Variants in DECR2 observed in about 807,000 individuals in gnomAD.
DECR2 encodes peroxisomal 2,4-dienoyl-CoA reductase [(3E)-enoyl-CoA-producing].
Under a neutral mutation model 29.2 loss-of-function variants are expected in DECR2, and 34 were observed. The ratio of observed to expected loss-of-function variants is 1.16; its 90% CI spans 0.89 to 1.55. The LOEUF is 1.55. Among genes scored for constraint, DECR2 ranks in the 40% most tolerant of loss-of-function variants. DECR2 has a pLI of 0.00. For synonymous variants in DECR2, 224 were observed against 182.7 expected (o/e 1.23, Z -1.82); for missense variants, 485 against 425.3 (o/e 1.14, Z -1.23).
intron 1 of DECR2, 34 bp downstream of exon 1, chr16:402,077 G>GT: frequency 7.6e-7 from 1 of 1,317,626 alleles, no homozygotes; most frequent in Non-Finnish European, 9.7e-7. Context: ...CGCAGCCTTG[G>GT]TGCGGGGTCC....
chr16:407,406 CT>C lies in DECR2; in HGVS notation c.202-18del, dbSNP rs1567340199. On this transcript the variant is annotated intron_variant, in intron 3 of 8. Transcript: ENST00000219481. ...CCGAGGCTGCAGGGCTGCTGTCTGC[CT>C]CTTTACCTGGCTTCTAGGCCGCCAG... The C allele has an allele frequency of 6.3e-7, 1 of 1,598,690 alleles. No individual in the cohort carries two copies. The highest frequency in any genetic ancestry group is 1.7e-5 in the Admixed American group (1 of 58,632).
At chr16:405,143 C>A in intron 2 of DECR2, 119 bp downstream of exon 2, 1 of 1,246,318 alleles carries the variant, frequency 8.0e-7, no homozygotes, top group Non-Finnish European at 1.2e-6. Flanking sequence ...ACCTACCCGA[C>A]AGGATCCAGG....
intron 7 of DECR2, 86 bp downstream of exon 7, chr16:411,162 T>C (rs901949811): frequency 1.5e-6 from 2 of 1,348,448 alleles, no homozygotes; most frequent in Admixed American, 2.9e-5. Context: ...CTTGGCAGGG[T>C]GTATGTTGAA....
chr16:407,642 T>G (rs2054742487), intron 4 of DECR2, 82 bp downstream of exon 4: 1 of 1,562,412 alleles, frequency 6.4e-7, no homozygotes, highest in Non-Finnish European at 8.7e-7. Flanking sequence ...GGTCATGGGG[T>G]GGGGACCATG....
chr16:403,359 T>C (rs767875317), intron 1 of DECR2, among the ~76,000 whole-genome samples: 1 of 152,148 alleles, frequency 6.6e-6, no homozygotes, highest in Non-Finnish European at 1.5e-5. Flanking sequence ...GAAAGGCAAC[T>C]TGGAGATCAG....
intron 4 of DECR2, chr16:409,893 C>T: frequency 3.8e-6 from 1 of 264,186 alleles, no homozygotes; most frequent in South Asian, 6.0e-5. Context: ...TGTGTGTCCT[C>T]TTCCCTTGTT....
In DECR2 at chr16:410,785, G is replaced by T. The variant is rs1257778797; in HGVS notation, c.556+1G>T. ...GCAGGCTCCGCCAAGGCCGCTGTGG[G>T]TATGACCACCCCCCCCCGCCCAGGT... is the stretch of plus-strand genomic sequence containing the variant. On this transcript the variant is annotated splice_donor_variant, in intron 6 of 8. Coordinates refer to ENST00000219481, the MANE Select transcript of DECR2 (RefSeq NM_020664.4). LOFTEE classifies it high-confidence loss of function. This position sits in a 1 kb window ranked among gnomAD's most constrained non-coding sequence, Gnocchi z 4.1. 4.4e-6 allele frequency: 7 copies of T among 1,590,032 alleles called. No individual in the cohort carries two copies. The South Asian group carries it at 6.8e-5, about 16-fold the overall frequency.
chr16:411,744 A>ACC, intron 8 of DECR2, 146 bp from the exon 9 acceptor site: 1 of 684,948 alleles, frequency 1.5e-6, no homozygotes, highest in South Asian at 2.1e-5. Flanking sequence ...GGGGCTGAGC[A>ACC]GGAGGCGGGC....
At chr16:405,559 C>G (rs2054714565) in intron 2 of DECR2, 1 of 1,304,602 alleles carries the variant, frequency 7.7e-7, no homozygotes, top group African/African-American at 1.5e-5. Flanking sequence ...TGGGACCTGC[C>G]TAGCAGGGGT....
chr16:404,864 G>A, intron 1 of DECR2, 92 bp from the exon 2 acceptor site: 1 of 1,232,196 alleles, frequency 8.1e-7, no homozygotes, highest in Admixed American at 1.9e-5. Context: ...TCCTGACCTT[G>A]TGGCCCACCC....
Position 410,654 on chromosome 16 carries a change from C to T in DECR2, c.463-37C>T, listed in dbSNP as rs1172302316. On this transcript the variant is annotated intron_variant, in intron 5 of 8. Transcript: ENST00000219481. This position sits in a 1 kb window ranked among gnomAD's most constrained non-coding sequence, Gnocchi z 4.1. ...CACTGTCCTGTGACCTCCCCCGACACCCGCCCGCTCACTGCCCCGGGCCTT... is the reference window on the plus strand; with the variant it reads ...CACTGTCCTGTGACCTCCCCCGACATCCGCCCGCTCACTGCCCCGGGCCTT... 3 of 1,548,146 alleles carry T rather than the reference C, an allele frequency of 1.9e-6. No homozygotes were observed. The Admixed American group carries it at 5.7e-5, about 29-fold the overall frequency.
Position 411,879 on chromosome 16 carries a change from A to G in DECR2, c.*1-11A>G. On this transcript the variant is annotated splice_polypyrimidine_tract_variant and intron_variant, in intron 8 of 8. Coordinates refer to ENST00000219481, the MANE Select transcript of DECR2 (RefSeq NM_020664.4). ...TCCTCAGCCGGCTACTAAGTTCTGA[A>G]ACTCCTGCAGGAATCTTCCGGCCGC... The G allele has an allele frequency of 2.6e-6, 1 of 386,326 alleles. No homozygotes were observed. The highest frequency in any genetic ancestry group is 4.6e-6 in the Non-Finnish European group (1 of 215,668). The allele number at this position is 386,326 out of a possible 1,614,324, so 23.9% of individuals were successfully genotyped here. A position where few individuals can be genotyped will look rare whatever the true frequency, so the allele number is the denominator to read the frequency against.
rs924046944 is a variant in DECR2 at position 410,075 on chromosome 16, C to T, written c.338-168C>T. ...GGGGACACAGTGCAGCCAGGACGCC[C>T]GTCTTGCTCTGGTCATTTTGGAATT... On this transcript the variant is annotated intron_variant, in intron 4 of 8. Transcript: ENST00000219481. The surrounding 1 kb of genome is among the most constrained non-coding windows in gnomAD (Gnocchi z 4.1). The T allele has an allele frequency of 2.8e-5, 27 of 960,006 alleles. No individual in the cohort carries two copies. The highest frequency in any genetic ancestry group is 1.2e-4 in the African/African-American group (7 of 60,458). The allele number at this position is 960,006 out of a possible 1,614,324, so 59.5% of individuals were successfully genotyped here.
intron 2 of DECR2, 158 bp downstream of exon 2, chr16:405,182 G>A: frequency 1.4e-5 from 12 of 854,968 alleles, no homozygotes; most frequent in East Asian, 1.0e-4. Flanking sequence ...GGGAGCGGTC[G>A]AGGATTGCCC....
chr16:404,934 G>C (rs760859284), intron 1 of DECR2, 22 bp from the exon 2 acceptor site: 9 of 1,613,824 alleles, frequency 5.6e-6, no homozygotes, highest in Non-Finnish European at 7.6e-6. Flanking sequence ...TCTTTTAAAA[G>C]AGCCTCCTTT....
chr16:408,522 C>CT lies in DECR2; in HGVS notation c.337+976dup, dbSNP rs770893268. Among the ~76,000 whole-genome samples, 224 of 143,062 alleles carry CT rather than the reference C, an allele frequency of 1.6e-3. 1 individual carries two copies. Among genetic ancestry groups the CT allele is most frequent in the Middle Eastern group, 3.6e-3 (1 of 278 alleles). The allele number at this position is 143,062 out of a possible 152,430, so 93.9% of individuals were successfully genotyped here. ...CGTCTTTAAAAAAAAAAGTAATAGC[C>CT]TTTTTTTTTTTTTTAGACAGCATCT... On this transcript the variant is annotated intron_variant, in intron 4 of 8. Coordinates refer to ENST00000219481, the MANE Select transcript of DECR2 (RefSeq NM_020664.4).
chr16:404,402 C>G (rs1282176171), intron 1 of DECR2, among the ~76,000 whole-genome samples: 1 of 150,270 alleles, frequency 6.7e-6, no homozygotes, highest in Non-Finnish European at 1.5e-5. Context: ...CCACACCCGG[C>G]TAATTTTTTA....
Position 410,827 on chromosome 16 carries a change from C to A in DECR2, c.556+43C>A. On this transcript the variant is annotated intron_variant, in intron 6 of 8. Coordinates refer to ENST00000219481, the MANE Select transcript of DECR2 (RefSeq NM_020664.4). The surrounding 1 kb of genome is among the most constrained non-coding windows in gnomAD (Gnocchi z 4.1). The stretch of plus-strand genomic sequence containing the variant: ...CGCCCAGGTTTGCCCACGTGGGTCC[C>A]CAATGGGCCGTCTGCTTCCATCCCA... The A allele has an allele frequency of 6.5e-7, 1 of 1,542,766 alleles. No individual in the cohort carries two copies. Among genetic ancestry groups the A allele is most frequent in the East Asian group, 2.4e-5 (1 of 41,328 alleles).
In DECR2 at chr16:411,559, CCTT is replaced by C. The variant is rs754777473; in HGVS notation, c.863_865del (p.Phe288del). ...GTCAAAGGGCTGCCGGATTTCGCATCCTTCTCTGCTAAGCTCTAGGTGAGGTAC... is the reference window on the plus strand; with the variant it reads ...GTCAAAGGGCTGCCGGATTTCGCATCCTCTGCTAAGCTCTAGGTGAGGTAC... On this transcript the variant is annotated inframe_deletion, in exon 8 of 9. Transcript: ENST00000219481. 26 of 1,613,098 alleles carry C rather than the reference CCTT, an allele frequency of 1.6e-5. 1 individual carries two copies. In the Admixed American group the frequency reaches 4.3e-4, roughly 27 times the overall value.
Sources: allele counts gnomAD v4.1 joint callset (sites outside exome capture counted in the v4.1 genomes callset), GRCh38; gene constraint gnomAD v4.1.1; non-coding constraint Gnocchi (gnomAD v3.1); transcripts MANE v1.5; gene names NCBI Gene and HGNC (gene_info 2026-07-23, HGNC 2026-07-21).